Variants in VWA8 observed in about 807,000 individuals in gnomAD.
VWA8 encodes von Willebrand factor A domain containing 8.
In VWA8, 221 loss-of-function variants were observed where a neutral mutation model predicts 241.5. That is an observed-to-expected ratio of 0.91 (90% CI 0.82 to 1.02). The LOEUF (loss-of-function observed/expected upper bound fraction) is 1.02, where lower values mean the gene tolerates loss of function less well. Among genes scored for constraint, VWA8 ranks in the 50% least tolerant of loss-of-function variants. The pLI is 0.00. For synonymous variants in VWA8, 852 were observed against 827.1 expected (o/e 1.03, Z -0.52); for missense variants, 2,322 against 2,328.7 (o/e 1.00, Z 0.06).
At chr13:41,622,168 G>A (rs1312129357) in intron 37 of VWA8, among the ~76,000 whole-genome samples, 1 of 152,138 alleles carries the variant, frequency 6.6e-6, no homozygotes, top group Non-Finnish European at 1.5e-5. Context: ...AGTTTTCAAA[G>A]CCATTTTAGG....
In VWA8 at chr13:41,699,055, G is replaced by T. The variant is rs1024751420; in HGVS notation, c.3564+16C>A. The T allele has an allele frequency of 1.9e-6, 3 of 1,613,664 alleles. No individual in the cohort carries two copies. ...GTAAGTCATTCCTCACATAATTGTA[G>T]CCTGGTGTGCATTACCTGCTGCTCA... On this transcript the variant is annotated intron_variant, in intron 29 of 44. Coordinates refer to ENST00000379310, the MANE Select transcript of VWA8 (RefSeq NM_015058.2).
chr13:41,777,963 C>T (rs767396731), intron 20 of VWA8, 22 bp downstream of exon 20: 8 of 1,584,756 alleles, frequency 5.0e-6, no homozygotes, highest in East Asian at 4.5e-5. Context: ...TCATTGGTAC[C>T]TAGATTTTAG....
chr13:41,663,753 T>G (rs2044967811), intron 37 of VWA8, among the ~76,000 whole-genome samples: 2 of 151,776 alleles, frequency 1.3e-5, no homozygotes, highest in African/African-American at 4.8e-5. Flanking sequence ...TACTATACAG[T>G]CCCCGACTTA....
chr13:41,613,654 C>T (rs2044603757), intron 38 of VWA8, among the ~76,000 whole-genome samples: 1 of 152,138 alleles, frequency 6.6e-6, no homozygotes, highest in African/African-American at 2.4e-5. Flanking sequence ...TCTCCACTTC[C>T]CAGAGCCTTT....
intron 37 of VWA8, among the ~76,000 whole-genome samples, chr13:41,633,107 TCGTAA>T (rs2044736232): frequency 6.6e-6 from 1 of 152,210 alleles, no homozygotes; most frequent in African/African-American, 2.4e-5. Flanking sequence ...CATGAAGTAA[TCGTAA>T]TGTACTCTTT....
intron 34 of VWA8, among the ~76,000 whole-genome samples, chr13:41,687,250 A>T (rs539678412): frequency 1.3e-5 from 2 of 152,260 alleles, no homozygotes; most frequent in Admixed American, 1.3e-4. Context: ...CTAAGACACT[A>T]TTACCATGTT....
At chr13:41,836,001 A>G (rs895677339) in intron 12 of VWA8, among the ~76,000 whole-genome samples, 1 of 152,166 alleles carries the variant, frequency 6.6e-6, no homozygotes, top group African/African-American at 2.4e-5. Context: ...CTTAAGCTCC[A>G]CTATCCTGAA....
At chr13:41,664,656 C>G (rs965983493) in intron 37 of VWA8, among the ~76,000 whole-genome samples, 1 of 152,124 alleles carries the variant, frequency 6.6e-6, no homozygotes, top group Non-Finnish European at 1.5e-5. Flanking sequence ...ACGGCCTGGA[C>G]AGACTTTCGA....
intron 15 of VWA8, 67 bp downstream of exon 15, chr13:41,819,151 G>A: frequency 6.7e-7 from 1 of 1,486,134 alleles, no homozygotes; most frequent in East Asian, 2.3e-5. Context: ...ACTTTGGCAT[G>A]TATCAGAGTG....
intron 8 of VWA8, among the ~76,000 whole-genome samples, chr13:41,884,338 C>T (rs1313591908): frequency 6.6e-6 from 1 of 151,268 alleles, no homozygotes; most frequent in African/African-American, 2.4e-5. Flanking sequence ...GGCTTTTCCC[C>T]TCCTTCACTC....
chr13:41,572,343 G>A (rs2044313025), intron 43 of VWA8, among the ~76,000 whole-genome samples: 1 of 152,244 alleles, frequency 6.6e-6, no homozygotes, highest in Admixed American at 6.5e-5. Flanking sequence ...GACGATGGCG[G>A]CTTTGTCGAA....
intron 21 of VWA8, among the ~76,000 whole-genome samples, chr13:41,756,997 A>T (rs2045698855): frequency 6.6e-6 from 1 of 151,760 alleles, no homozygotes; most frequent in African/African-American, 2.4e-5. Context: ...TGTGCCCTGT[A>T]ACTCAAAAGT....
intron 29 of VWA8, among the ~76,000 whole-genome samples, chr13:41,693,914 T>C (rs1465093936): frequency 2.6e-5 from 4 of 151,972 alleles, no homozygotes; most frequent in Non-Finnish European, 5.9e-5. Context: ...CTTTCTTTGT[T>C]TTATTTTATT....
chr13:41,658,652 A>G (rs1197730692), intron 37 of VWA8, among the ~76,000 whole-genome samples: 1 of 152,046 alleles, frequency 6.6e-6, no homozygotes, highest in Admixed American at 6.6e-5. Flanking sequence ...GTCTCCAACA[A>G]CTCACACCTG....
At chr13:41,683,265 A>G (rs1284358281) in intron 35 of VWA8, among the ~76,000 whole-genome samples, 1 of 152,178 alleles carries the variant, frequency 6.6e-6, no homozygotes, top group Admixed American at 6.6e-5. Context: ...TTAAAAAAAA[A>G]AAACTAATGA....
chr13:41,586,130 A>T (rs2044416339), intron 42 of VWA8, among the ~76,000 whole-genome samples: 1 of 151,880 alleles, frequency 6.6e-6, no homozygotes, highest in Admixed American at 6.6e-5. Flanking sequence ...AAAATATTTT[A>T]AAATAAACAT....
intron 12 of VWA8, among the ~76,000 whole-genome samples, chr13:41,843,862 AAC>A (rs1872169097): frequency 6.6e-6 from 1 of 152,170 alleles, no homozygotes; most frequent in South Asian, 2.1e-4. Flanking sequence ...TTACCAAAAA[AAC>A]ACAACCCTGG....
At chr13:41,701,566 G>A (rs747873808) in intron 27 of VWA8, 36 bp from the exon 28 acceptor site, 1 of 1,490,372 alleles carries the variant, frequency 6.7e-7, no homozygotes, top group Non-Finnish European at 8.9e-7. Flanking sequence ...AAGATATTTT[G>A]GTTGTCACCA....
chr13:41,791,550 T>A (rs751435572), intron 17 of VWA8, among the ~76,000 whole-genome samples: 1 of 151,906 alleles, frequency 6.6e-6, no homozygotes, highest in Non-Finnish European at 1.5e-5. Context: ...GGTGTGTATT[T>A]GTTGTCCATA....
Sources: allele counts gnomAD v4.1 joint callset (sites outside exome capture counted in the v4.1 genomes callset), GRCh38; gene constraint gnomAD v4.1.1; transcripts MANE v1.5; gene names NCBI Gene and HGNC (gene_info 2026-07-23, HGNC 2026-07-21).